ZEB2: variants seen among roughly 807,000 people sequenced by gnomAD.
ZEB2 encodes zinc finger E-box binding homeobox 2.
A neutral mutation model predicts 99.9 loss-of-function variants in ZEB2; 6 were observed. That is an observed-to-expected ratio of 0.06 (90% CI 0.03 to 0.12). The LOEUF (loss-of-function observed/expected upper bound fraction) is 0.12. ZEB2 is among the 10% of genes least tolerant of loss of function. ZEB2 has a pLI of 1.00. For synonymous variants in ZEB2, 517 were observed against 542.5 expected, an observed-to-expected ratio of 0.95 and a Z score of 0.65; for missense variants, 969 against 1,502.8, an observed-to-expected ratio of 0.64 and a Z score of 5.87.
chr2:144,509,423 T>A (rs1421774107), intron 2 of ZEB2, among the ~76,000 whole-genome samples: 1 of 151,956 alleles, frequency 6.6e-6, no homozygotes, highest in African/African-American at 2.4e-5. Context: ...ATTCTGTAAA[T>A]CTTCTGGGAA....
At chr2:144,459,264 C>A (rs1377985868) in intron 2 of ZEB2, among the ~76,000 whole-genome samples, 1 of 152,002 alleles carries the variant, frequency 6.6e-6, no homozygotes, top group African/African-American at 2.4e-5. Flanking sequence ...TTTTGATATA[C>A]AACTAAGGAG....
At chr2:144,482,698 A>G (rs1353161616) in intron 2 of ZEB2, among the ~76,000 whole-genome samples, 4 of 151,948 alleles carry the variant, frequency 2.6e-5, no homozygotes. Context: ...TTCACTTCTT[A>G]AATTACTACG....
chr2:144,404,875 G>A lies in ZEB2; in HGVS notation c.553C>T (p.Arg185Cys), dbSNP rs755598619. 15 of 1,614,066 alleles carry A rather than the reference G, an allele frequency of 9.3e-6. No homozygotes were observed. Among genetic ancestry groups the A allele is most frequent in the South Asian group, 7.7e-5 (7 of 91,076 alleles). Residue 185 changes from arginine to cysteine, a missense_variant, in exon 5 of 10, where the codon CGC becomes TGC. Arg to Cys is a radical substitution (Grantham distance 180). This residue lies in a region of ZEB2 where 65 missense variants were observed against 147.7 expected (regional missense o/e 0.44). Coordinates refer to ENST00000627532, the MANE Select transcript of ZEB2 (RefSeq NM_014795.4). ...CCATTGGCCTCTGGCGTGCCAAGGC[G>A]AGACAGCTCCTCAGGGGCTTCTGGG... is the stretch of plus-strand genomic sequence containing the variant. ...IYPEAPEELS[R>C]LGTPEANGQE...
At chr2:144,475,155 A>C (rs1704413519) in intron 2 of ZEB2, among the ~76,000 whole-genome samples, 1 of 152,160 alleles carries the variant, frequency 6.6e-6, no homozygotes, top group Non-Finnish European at 1.5e-5. Flanking sequence ...CTCACTCTCT[A>C]CCTCAAATGT....
rs757147025 is a variant in ZEB2 at position 144,404,120 on chromosome 2, A to G, written c.603T>C (p.Pro201=). 3.7e-6 allele frequency: 6 copies of G among 1,613,912 alleles called. No homozygotes were observed. The Admixed American group carries it at 8.3e-5, about 22-fold the overall frequency. Residue 201 remains proline, a synonymous_variant, in exon 6 of 10, where the codon CCT becomes CCC. Transcript: ENST00000627532. ...ANGQEENDLP[P]GTPDAFAQLL... ...GTTGGGCAAAAGCATCTGGAGTTCC[A>G]GGTGGCAGGTCTGTAGCCGAGAGAC...
chr2:144,455,464 A>G (rs1467148404), intron 2 of ZEB2, among the ~76,000 whole-genome samples: 1 of 152,232 alleles, frequency 6.6e-6, no homozygotes, highest in African/African-American at 2.4e-5. Flanking sequence ...AGTTGATTTT[A>G]TAACCACACG....
At chr2:144,477,779 T>A (rs1704450670) in intron 2 of ZEB2, among the ~76,000 whole-genome samples, 1 of 152,212 alleles carries the variant, frequency 6.6e-6, no homozygotes, top group Admixed American at 6.5e-5. Context: ...TACAGAACCA[T>A]GTAAAATGAG....
rs61255327 is a variant in ZEB2, at chr2:144,418,706, CAAAA to C, written c.403+6086_403+6089del. Among the ~76,000 whole-genome samples, 1,042 of 148,518 alleles carry C rather than the reference CAAAA, an allele frequency of 7.0e-3. 10 individuals carry two copies. Among genetic ancestry groups the C allele is most frequent in the East Asian group, 0.026 (133 of 5,056 alleles). Reference sequence around the variant, plus strand: ...TCCATCTCAAAAAAAAACAAACAAACAAAAAAAAAAAAAAACTGGCAAAACAAAA... The same window carrying C: ...TCCATCTCAAAAAAAAACAAACAAACAAAAAAAAAAACTGGCAAAACAAAA... On this transcript the variant is annotated intron_variant, in intron 4 of 9. Coordinates refer to ENST00000627532, the MANE Select transcript of ZEB2 (RefSeq NM_014795.4).
At chr2:144,401,724 A>C (rs1467889341) in intron 6 of ZEB2, among the ~76,000 whole-genome samples, 2 of 152,178 alleles carry the variant, frequency 1.3e-5, no homozygotes, top group African/African-American at 4.8e-5. Context: ...TCTCAAGAAA[A>C]ACCACCCCCA....
intron 2 of ZEB2, among the ~76,000 whole-genome samples, chr2:144,499,621 T>C (rs925994712): frequency 4.6e-5 from 7 of 152,218 alleles, no homozygotes; most frequent in Admixed American, 3.3e-4. Flanking sequence ...AAGAAAAATA[T>C]CAGCCTTATT....
intron 2 of ZEB2, among the ~76,000 whole-genome samples, chr2:144,480,157 T>C (rs1038000510): frequency 1.3e-5 from 2 of 152,170 alleles, no homozygotes; most frequent in African/African-American, 4.8e-5. Flanking sequence ...TTATTTGATT[T>C]GATTTCTGCT....
At chr2:144,394,761 T>C (rs919689654) in intron 9 of ZEB2, among the ~76,000 whole-genome samples, 4 of 152,156 alleles carry the variant, frequency 2.6e-5, no homozygotes, top group African/African-American at 9.7e-5. Context: ...AAAACTGTAT[T>C]GGTTGGAGTA....
intron 2 of ZEB2, chr2:144,450,030 G>A (rs1482126252): frequency 6.6e-6 from 1 of 152,094 alleles, no homozygotes; most frequent in Non-Finnish European, 1.5e-5. Flanking sequence ...TGTATTTATT[G>A]TATTAATTCC....
chr2:144,416,997 G>A (rs1015648548), intron 4 of ZEB2, among the ~76,000 whole-genome samples: 2 of 152,112 alleles, frequency 1.3e-5, no homozygotes, highest in African/African-American at 2.4e-5. Flanking sequence ...TTTATTATGC[G>A]CTAACGTTGC....
Position 144,388,883 on chromosome 2 carries a change from C to A in ZEB2, c.*568G>T. On this transcript the variant is annotated 3_prime_UTR_variant, in exon 10 of 10. Coordinates refer to ENST00000627532, the MANE Select transcript of ZEB2 (RefSeq NM_014795.4). The surrounding 1 kb of genome is among the most constrained non-coding windows in gnomAD (Gnocchi z 5.4). ...TTCACACATGCATCACTTCAAGTTC[C>A]TTCACAGAAAAAAAAAAAAATTGAG... 1 of 453,678 alleles carries A rather than the reference C, an allele frequency of 2.2e-6. No individual in the cohort carries two copies. Among genetic ancestry groups the A allele is most frequent in the South Asian group, 1.6e-5 (1 of 62,126 alleles). The allele number at this position is 453,678 out of a possible 1,614,324, so 28.1% of individuals were successfully genotyped here.
chr2:144,390,385 T>C (rs1703140664), intron 9 of ZEB2, among the ~76,000 whole-genome samples: 1 of 152,142 alleles, frequency 6.6e-6, no homozygotes. Flanking sequence ...ATCAGGTAAT[T>C]CTCTTCCTTA....
intron 4 of ZEB2, among the ~76,000 whole-genome samples, chr2:144,422,235 T>C (rs1703628095): frequency 1.3e-5 from 2 of 152,188 alleles, no homozygotes. Flanking sequence ...TGGTGCTTTA[T>C]ATTCTCCACC....
intron 2 of ZEB2, chr2:144,513,574 C>T: frequency 1.3e-6 from 2 of 1,528,976 alleles, no homozygotes; most frequent in South Asian, 1.2e-5. Context: ...ACGTGCATGT[C>T]TCTGTGAGAT....
chr2:144,467,075 GA>G lies in ZEB2; in HGVS notation c.74-37050del, dbSNP rs201913451. On this transcript the variant is annotated intron_variant, in intron 2 of 9. Coordinates refer to ENST00000627532, the MANE Select transcript of ZEB2 (RefSeq NM_014795.4). ...TGGTTTATTTTTCTCTGGTTGTTTTGAAAGTGTTCCTCAAGATTTTGGTTTT... is the reference window on the plus strand; with the variant it reads ...TGGTTTATTTTTCTCTGGTTGTTTTGAAGTGTTCCTCAAGATTTTGGTTTT... Among the ~76,000 whole-genome samples the G allele has an allele frequency of 4.8e-3, 726 of 151,884 alleles. 8 individuals are homozygous for G. The highest frequency in any genetic ancestry group is 0.017 in the African/African-American group (685 of 41,412).
Sources: allele counts gnomAD v4.1 joint callset (sites outside exome capture counted in the v4.1 genomes callset), GRCh38; gene constraint gnomAD v4.1.1; regional missense constraint gnomAD v4.1.1; non-coding constraint Gnocchi (gnomAD v3.1); transcripts MANE v1.5; gene names NCBI Gene and HGNC (gene_info 2026-07-23, HGNC 2026-07-21).